SLC38A6: variants seen among roughly 807,000 people sequenced by gnomAD.
The protein encoded by SLC38A6 is N system amino acid transporter NAT-1.
In SLC38A6, 73 loss-of-function variants were observed where a neutral mutation model predicts 65.0. The observed-to-expected ratio is 1.12, with a 90% CI of 0.93 to 1.37. SLC38A6 has a LOEUF of 1.37. Ranked by LOEUF, SLC38A6 falls within the 40% of genes most tolerant of loss-of-function variation. The pLI is 0.00. For missense variants in SLC38A6, 561 were observed against 531.1 expected, an observed-to-expected ratio of 1.06 and a Z score of -0.55; for synonymous variants, 183 against 178.8, an observed-to-expected ratio of 1.02 and a Z score of -0.19.
At chr14:61,030,374 C>T in intron 5 of SLC38A6, 71 bp from the exon 6 acceptor site, 1 of 1,135,342 alleles carries the variant, frequency 8.8e-7, no homozygotes, top group Non-Finnish European at 1.3e-6. Context: ...ATCTCTTTTC[C>T]TAGATGGATT....
chr14:61,021,162 G>A (rs1369271206), intron 5 of SLC38A6, among the ~76,000 whole-genome samples: 2 of 151,968 alleles, frequency 1.3e-5, no homozygotes, highest in South Asian at 2.1e-4. Context: ...ATTTCTCTTT[G>A]TACTCCCAGC....
intron 5 of SLC38A6, 140 bp downstream of exon 5, chr14:61,019,720 C>CT (rs74538166): frequency 0.038 from 22,692 of 590,752 alleles, 1 homozygote; most frequent in East Asian, 0.049. Context: ...CCTCTTTACT[C>CT]TTTTTTTTTT....
Position 61,045,420 on chromosome 14 carries a change from T to C in SLC38A6, c.819T>C (p.Leu273=), listed in dbSNP as rs2042077534. The change falls in exon 11 of 16, where the codon CTT becomes CTC. Residue 273 remains leucine (L), a synonymous_variant. Coordinates refer to ENST00000267488, the MANE Select transcript of SLC38A6 (RefSeq NM_153811.3). ...HTSILPIYCE[L]QSPSKKRMQN... ...CAATATTGCCCATATACTGTGAACT[T>C]CAAAGGTACTGTAGAATCCTGGAAT... The C allele has an allele frequency of 6.2e-7, 1 of 1,606,296 alleles. No homozygotes were observed.
chr14:61,023,622 T>C (rs1278667634), intron 5 of SLC38A6, among the ~76,000 whole-genome samples: 2 of 149,980 alleles, frequency 1.3e-5, no homozygotes, highest in African/African-American at 4.9e-5. Context: ...CACACACATA[T>C]ATGTAAAATA....
In SLC38A6 at chr14:61,052,078, A is replaced by C; in HGVS notation, c.1233A>C (p.Pro411=). ...STSTCLIFIF[P]GLFYLKLSRE... ...CAACATGTTTGATTTTTATATTCCC[A>C]GGACTATTTTATCTTAAACTTAGCA... Residue 411 remains proline, a synonymous_variant, in exon 15 of 16, where the codon CCA becomes CCC. Coordinates refer to ENST00000267488, the MANE Select transcript of SLC38A6 (RefSeq NM_153811.3). 1 of 1,587,166 alleles carries C rather than the reference A, an allele frequency of 6.3e-7. No homozygotes were observed. The highest frequency in any genetic ancestry group is 8.5e-7 in the Non-Finnish European group (1 of 1,173,602).
chr14:61,080,828 A>G (rs1006321009), intron 16 of SLC38A6, among the ~76,000 whole-genome samples: 1 of 152,212 alleles, frequency 6.6e-6, no homozygotes, highest in African/African-American at 2.4e-5. Context: ...TGGTTAATAC[A>G]GCAGCCAGGA....
chr14:60,993,255 G>A (rs1437808426), intron 3 of SLC38A6, among the ~76,000 whole-genome samples: 2 of 152,200 alleles, frequency 1.3e-5, no homozygotes, highest in Non-Finnish European at 2.9e-5. Context: ...CCACTTTAGA[G>A]ATAGGAAACT....
chr14:60,983,208 T>C (rs1376094725), intron 2 of SLC38A6, among the ~76,000 whole-genome samples: 3 of 152,196 alleles, frequency 2.0e-5, no homozygotes, highest in Non-Finnish European at 2.9e-5. Context: ...AATGATATGT[T>C]TGGAAATTAA....
chr14:61,036,457 G>C (rs1337815668), intron 6 of SLC38A6, among the ~76,000 whole-genome samples: 1 of 151,216 alleles, frequency 6.6e-6, no homozygotes, highest in Non-Finnish European at 1.5e-5. Flanking sequence ...GTGGGGGCAA[G>C]GGGAGGGGGA....
intron 12 of SLC38A6, among the ~76,000 whole-genome samples, chr14:61,047,734 T>C (rs1194055743): frequency 6.6e-6 from 1 of 152,148 alleles, no homozygotes; most frequent in Non-Finnish European, 1.5e-5. Flanking sequence ...TTTCATCATG[T>C]AGATGGCATG....
intron 16 of SLC38A6, among the ~76,000 whole-genome samples, chr14:61,080,627 C>T (rs1029400342): frequency 5.9e-5 from 9 of 152,210 alleles, no homozygotes; most frequent in Admixed American, 5.2e-4. Context: ...GCTTTTGTCT[C>T]TGCATGAAGG....
At chr14:61,018,545 C>T (rs2040159335) in intron 4 of SLC38A6, among the ~76,000 whole-genome samples, 1 of 152,162 alleles carries the variant, frequency 6.6e-6, no homozygotes, top group East Asian at 1.9e-4. Context: ...GTTCCCAATT[C>T]ATGTAGAACT....
intron 15 of SLC38A6, chr14:61,073,922 T>A (rs2139974753): frequency 6.6e-6 from 1 of 152,020 alleles, no homozygotes; most frequent in Non-Finnish European, 1.5e-5. Context: ...ACCTTTATGA[T>A]GATCCAGTTT....
intron 3 of SLC38A6, among the ~76,000 whole-genome samples, chr14:60,998,336 G>A (rs1352424660): frequency 6.6e-6 from 1 of 152,000 alleles, no homozygotes; most frequent in Non-Finnish European, 1.5e-5. Context: ...AGGCAGGAGA[G>A]CAGACAAACA....
intron 4 of SLC38A6, 44 bp from the exon 5 acceptor site, chr14:61,019,497 A>G (rs1260638994): frequency 5.6e-6 from 9 of 1,596,996 alleles, no homozygotes; most frequent in Non-Finnish European, 7.7e-6. Flanking sequence ...ATCCTTTTAT[A>G]TTGTTTCCCC....
intron 3 of SLC38A6, chr14:60,987,169 CTT>C (rs75703068): frequency 0.024 from 4,540 of 189,876 alleles, 30 homozygotes; most frequent in South Asian, 0.042. Flanking sequence ...TAGGCTTTTC[CTT>C]TTTTTTTTTT....
intron 15 of SLC38A6, among the ~76,000 whole-genome samples, chr14:61,073,127 G>C (rs996237295): frequency 3.9e-5 from 6 of 152,152 alleles, no homozygotes; most frequent in Non-Finnish European, 5.9e-5. Flanking sequence ...TTTCTCTGAT[G>C]ATCAGTGATG....
At position 60,986,396 on chromosome 14, in the gene SLC38A6, C is replaced by A. The variant is rs1316342415; in HGVS notation, c.310+1593C>A. Among the ~76,000 whole-genome samples the A allele has an allele frequency of 4.6e-5, 7 of 152,280 alleles. No homozygotes were observed. In the East Asian group the frequency reaches 1.4e-3, roughly 29 times the overall value. ...TAACTTGTACCAGTGCTTTGGCCAG[C>A]CAGTGCCAGATATGTTTTTAACAAG... On this transcript the variant is annotated intron_variant, in intron 3 of 15. Transcript: ENST00000267488.
At chr14:61,046,046 T>G in intron 11 of SLC38A6, 21 bp from the exon 12 acceptor site, 1 of 1,449,832 alleles carries the variant, frequency 6.9e-7, no homozygotes, top group South Asian at 1.2e-5. Flanking sequence ...TTATTCTACC[T>G]TTGTCATTTT....
Sources: allele counts gnomAD v4.1 joint callset (sites outside exome capture counted in the v4.1 genomes callset), GRCh38; gene constraint gnomAD v4.1.1; transcripts MANE v1.5; gene names NCBI Gene and HGNC (gene_info 2026-07-23, HGNC 2026-07-21).